The following MAGI2 variants were observed in gnomAD, a reference collection of about 807,000 sequenced individuals.
The protein encoded by MAGI2 is membrane associated guanylate kinase, WW and PDZ domain containing 2.
A neutral mutation model predicts 133.3 loss-of-function variants in MAGI2; 35 were observed. The ratio of observed to expected loss-of-function variants is 0.26; its 90% CI spans 0.20 to 0.35. MAGI2 has a LOEUF of 0.35. Among genes scored for constraint, MAGI2 ranks in the 10% least tolerant of loss-of-function variants. The pLI is 1.00. For synonymous variants in MAGI2, 729 were observed against 710.6 expected, an observed-to-expected ratio of 1.03 and a Z score of -0.41; for missense variants, 1,636 against 1,863.4, an observed-to-expected ratio of 0.88 and a Z score of 2.25.
At chr7:78,112,751 G>T (rs1819479837) in intron 20 of MAGI2, among the ~76,000 whole-genome samples, 1 of 152,222 alleles carries the variant, frequency 6.6e-6, no homozygotes. Flanking sequence ...ATAGTGGGCA[G>T]CCCAGAGCAA....
chr7:78,108,051 A>T (rs1227133967), intron 20 of MAGI2, among the ~76,000 whole-genome samples: 1 of 151,666 alleles, frequency 6.6e-6, no homozygotes, highest in African/African-American at 2.4e-5. Flanking sequence ...CTAATTCTTT[A>T]AGATGCTTTG....
chr7:78,999,797 C>A (rs2116442064), intron 2 of MAGI2, among the ~76,000 whole-genome samples: 1 of 152,234 alleles, frequency 6.6e-6, no homozygotes, highest in South Asian at 2.1e-4. Context: ...GACTTCCTTT[C>A]TTTTTGGTTA....
chr7:79,339,124 T>C (rs1162189389), intron 1 of MAGI2, among the ~76,000 whole-genome samples: 1 of 152,130 alleles, frequency 6.6e-6, no homozygotes, highest in Non-Finnish European at 1.5e-5. Context: ...TTTAAGAGTA[T>C]CTTCTTGGGA....
At chr7:79,207,208 C>G (rs186320967) in intron 1 of MAGI2, among the ~76,000 whole-genome samples, 37 of 151,886 alleles carry the variant, frequency 2.4e-4, no homozygotes, top group Non-Finnish European at 4.7e-4. Flanking sequence ...CAGTACTGCA[C>G]GTTCTAGGCA....
Position 78,078,978 on chromosome 7 carries a change from G to T in MAGI2, c.3675C>A (p.Leu1225=), listed in dbSNP as rs1236680963. Reference sequence around the variant, plus strand: ...CTGGGACCTGTCCCGTGCCTCTCTTGAGCAGCAGCCTCACTCGTCTTCCTC... The same window carrying T: ...CTGGGACCTGTCCCGTGCCTCTCTTTAGCAGCAGCCTCACTCGTCTTCCTC... ...KSGGRRVRLL[L]KRGTGQVPEY... The change falls in exon 21 of 22, where the codon CTC becomes CTA. Residue 1225 remains leucine, a synonymous_variant. Coordinates refer to ENST00000354212, the MANE Select transcript of MAGI2 (RefSeq NM_012301.4). 1 of 1,613,706 alleles carries T rather than the reference G, an allele frequency of 6.2e-7. No homozygotes were observed. Among genetic ancestry groups the T allele is most frequent in the East Asian group, 2.2e-5 (1 of 44,852 alleles).
intron 1 of MAGI2, among the ~76,000 whole-genome samples, chr7:79,448,103 C>T (rs910434690): frequency 2.0e-5 from 3 of 151,352 alleles, no homozygotes; most frequent in Non-Finnish European, 3.0e-5. Context: ...TAAAGATATG[C>T]GGTATGAAGA....
chr7:78,648,996 G>A (rs1297345460), intron 2 of MAGI2, among the ~76,000 whole-genome samples: 2 of 151,790 alleles, frequency 1.3e-5, no homozygotes, highest in African/African-American at 4.8e-5. Context: ...CATACCCTTA[G>A]CCATTTCAAC....
At chr7:79,206,263 A>G (rs1200433646) in intron 1 of MAGI2, among the ~76,000 whole-genome samples, 1 of 151,754 alleles carries the variant, frequency 6.6e-6, no homozygotes, top group Admixed American at 6.6e-5. Flanking sequence ...GAGACTACGA[A>G]TACAATAGAA....
chr7:78,211,324 G>A (rs1787749814), intron 10 of MAGI2, among the ~76,000 whole-genome samples: 2 of 152,180 alleles, frequency 1.3e-5, no homozygotes, highest in Admixed American at 6.5e-5. Context: ...AATCTTAGGG[G>A]TCCTGGTTAT....
At chr7:78,175,095 T>C (rs952286232) in intron 14 of MAGI2, among the ~76,000 whole-genome samples, 1 of 152,192 alleles carries the variant, frequency 6.6e-6, no homozygotes, top group Non-Finnish European at 1.5e-5. Flanking sequence ...TACAGCACTT[T>C]CTTGAGTTCT....
chr7:78,338,984 A>AAACAAAC (rs1554351799), intron 9 of MAGI2, among the ~76,000 whole-genome samples: 1 of 150,136 alleles, frequency 6.7e-6, no homozygotes, highest in Non-Finnish European at 1.5e-5. Flanking sequence ...ATCTCTTGAG[A>AAACAAAC]AAACAAACAA....
intron 16 of MAGI2, among the ~76,000 whole-genome samples, chr7:78,147,842 A>C (rs1246541459): frequency 6.6e-6 from 1 of 152,000 alleles, no homozygotes; most frequent in African/African-American, 2.4e-5. Context: ...ACCAAAAAAA[A>C]CCACCCCCAA....
chr7:78,851,208 C>T (rs894613049), intron 2 of MAGI2, among the ~76,000 whole-genome samples: 1 of 150,984 alleles, frequency 6.6e-6, no homozygotes, highest in Non-Finnish European at 1.5e-5. Flanking sequence ...GAAATGAATT[C>T]CCAAAGGGAT....
In MAGI2 at chr7:79,267,488, C is replaced by T. The variant is rs148784776; in HGVS notation, c.301+185532G>A. Among the ~76,000 whole-genome samples the T allele has an allele frequency of 4.3e-4, 66 of 152,288 alleles. No individual in the cohort carries two copies. The East Asian group carries it at 0.012, about 28-fold the overall frequency. ...AGAAAGAGAGGTAGAACAGTGCCAG[C>T]GTGCTGGCTCGGGGTTGCCTTATGT... On this transcript the variant is annotated intron_variant, in intron 1 of 21. Transcript: ENST00000354212.
intron 12 of MAGI2, among the ~76,000 whole-genome samples, chr7:78,190,603 C>A (rs1828112941): frequency 6.6e-6 from 1 of 151,920 alleles, no homozygotes; most frequent in Non-Finnish European, 1.5e-5. Flanking sequence ...AGTAACTAGA[C>A]CAGTAATAGA....
At chr7:78,497,766 T>TCTGTCTGTCTG (rs1385517709) in intron 5 of MAGI2, among the ~76,000 whole-genome samples, 4 of 135,304 alleles carry the variant, frequency 3.0e-5, no homozygotes, top group Non-Finnish European at 6.6e-5. Context: ...CTATCTATCT[T>TCTGTCTGTCTG]TCTATCTTAT....
chr7:79,060,723 C>T (rs1357198552), intron 1 of MAGI2, among the ~76,000 whole-genome samples: 1 of 151,890 alleles, frequency 6.6e-6, no homozygotes, highest in East Asian at 1.9e-4. Flanking sequence ...CCTGACTTAC[C>T]CCATGAGTCT....
At chr7:78,576,718 C>T (rs1334645765) in intron 3 of MAGI2, among the ~76,000 whole-genome samples, 2 of 152,138 alleles carry the variant, frequency 1.3e-5, no homozygotes, top group Non-Finnish European at 2.9e-5. Context: ...CACAACTATT[C>T]ACTTCTTTCA....
In MAGI2 at chr7:79,192,290, T is replaced by C. The variant is rs73371140; in HGVS notation, c.302-185084A>G. 4.9e-3 allele frequency among the ~76,000 whole-genome samples: 744 copies of C among 152,012 alleles called. 11 individuals carry two copies. Among genetic ancestry groups the C allele is most frequent in the African/African-American group, 0.017 (697 of 41,412 alleles). ...CATGAAGTGTAGAATTTTTATCTGT[T>C]TTGTTCACTGCTGTATCTCTGCAAC... On this transcript the variant is annotated intron_variant, in intron 1 of 21. Transcript: ENST00000354212.
Sources: allele counts gnomAD v4.1 joint callset (sites outside exome capture counted in the v4.1 genomes callset), GRCh38; gene constraint gnomAD v4.1.1; transcripts MANE v1.5; gene names NCBI Gene and HGNC (gene_info 2026-07-23, HGNC 2026-07-21).